The following SYNJ2 variants were observed in gnomAD, a reference collection of about 807,000 sequenced individuals.
SYNJ2 encodes polyphosphatidylinositol phosphatase SYNJ2.
SYNJ2 carries 116 observed loss-of-function variants against 141.3 expected under a neutral mutation model. That is an observed-to-expected ratio of 0.82 (90% CI 0.71 to 0.96). The LOEUF (loss-of-function observed/expected upper bound fraction) is 0.96, where lower values mean the gene tolerates loss of function less well. Ranked by LOEUF, SYNJ2 falls within the 40% of genes least tolerant of loss-of-function variation. SYNJ2 has a pLI of 0.00. For synonymous variants in SYNJ2, 745 were observed against 777.7 expected (o/e 0.96, Z 0.70); for missense variants, 1,873 against 1,934.8 (o/e 0.97, Z 0.60).
intron 25 of SYNJ2, among the ~76,000 whole-genome samples, chr6:158,090,816 A>T (rs1232692838): frequency 6.7e-6 from 1 of 150,256 alleles, no homozygotes; most frequent in East Asian, 2.0e-4. Flanking sequence ...AAGTGCTGGG[A>T]TTACAGGTGT....
At chr6:158,053,720 G>T (rs1196337001) in intron 5 of SYNJ2, among the ~76,000 whole-genome samples, 4 of 141,156 alleles carry the variant, frequency 2.8e-5, no homozygotes, top group African/African-American at 8.0e-5. Context: ...CACCCATCCA[G>T]CCATCCAGCC....
rs1312873654 is a variant in SYNJ2 at position 158,074,747 on chromosome 6, T to C, written c.2292+9T>C. On this transcript the variant is annotated intron_variant, in intron 16 of 26. Coordinates refer to ENST00000355585, the MANE Select transcript of SYNJ2 (RefSeq NM_003898.4). ...AGAAATCAAGTGGAAAAGTAAGTTG[T>C]GCTTTAAAAACATTTTTTAGCAGCT... The C allele has an allele frequency of 6.2e-7, 1 of 1,611,054 alleles. No individual in the cohort carries two copies. The highest frequency in any genetic ancestry group is 1.3e-5 in the African/African-American group (1 of 74,734).
chr6:157,981,896 T>A lies in SYNJ2; in HGVS notation c.-66T>A. On this transcript the variant is annotated 5_prime_UTR_variant, in exon 1 of 27. Coordinates refer to ENST00000355585, the MANE Select transcript of SYNJ2 (RefSeq NM_003898.4). The surrounding 1 kb of genome is among the most constrained non-coding windows in gnomAD (Gnocchi z 6.4). ...GGCAAGTTGCGGGCGCGCGGGGAGC[T>A]GTCGCGGGCAGCGCGCCCTCGGGAG... 8.3e-7 allele frequency: 1 copy of A among 1,203,124 alleles called. No individual in the cohort carries two copies. Among genetic ancestry groups the A allele is most frequent in the Non-Finnish European group, 1.0e-6 (1 of 964,468 alleles). 74.5% of individuals were successfully genotyped at this position (1,203,124 alleles called of 1,614,324 possible).
chr6:158,006,231 G>A (rs1302871277), intron 1 of SYNJ2, among the ~76,000 whole-genome samples: 2 of 152,074 alleles, frequency 1.3e-5, no homozygotes, highest in Non-Finnish European at 2.9e-5. Flanking sequence ...ACACACGTAT[G>A]CACACACGCA....
At chr6:158,095,275 G>C (rs1474424643) in intron 26 of SYNJ2, among the ~76,000 whole-genome samples, 1 of 152,156 alleles carries the variant, frequency 6.6e-6, no homozygotes, top group African/African-American at 2.4e-5. Flanking sequence ...CAACTTCAAA[G>C]AGTGTTTTCA....
rs1781064983 is a variant in SYNJ2, at chr6:158,059,355, T to A, written c.954+2T>A. On this transcript the variant is annotated splice_donor_variant, in intron 7 of 26. Coordinates refer to ENST00000355585, the MANE Select transcript of SYNJ2 (RefSeq NM_003898.4). LOFTEE classifies it high-confidence loss of function. Reference sequence around the variant, plus strand: ...GAGGTGCTCAACAGAGCCTTCAAGGTAAGGCCAGGCTGTCCTCTCCACAGC... The same window carrying A: ...GAGGTGCTCAACAGAGCCTTCAAGGAAAGGCCAGGCTGTCCTCTCCACAGC... 1 of 1,549,674 alleles carries A rather than the reference T, an allele frequency of 6.5e-7. No individual in the cohort carries two copies. The highest frequency in any genetic ancestry group is 2.0e-5 in the Admixed American group (1 of 50,960).
intron 26 of SYNJ2, among the ~76,000 whole-genome samples, chr6:158,095,137 A>G (rs931261875): frequency 3.3e-5 from 5 of 151,148 alleles, no homozygotes; most frequent in African/African-American, 1.2e-4. Context: ...GGACAGGGCG[A>G]GACTCCTTCT....
intron 2 of SYNJ2, among the ~76,000 whole-genome samples, chr6:158,023,721 C>T (rs1032858752): frequency 2.0e-5 from 3 of 152,126 alleles, no homozygotes; most frequent in Non-Finnish European, 4.4e-5. Context: ...CCTAGGATTC[C>T]AGACAAAGGG....
chr6:157,984,765 G>T (rs1287650517), intron 1 of SYNJ2, among the ~76,000 whole-genome samples: 1 of 152,240 alleles, frequency 6.6e-6, no homozygotes, highest in Non-Finnish European at 1.5e-5. Flanking sequence ...CAGGACACTT[G>T]TGGCAGCTGG....
chr6:158,043,233 A>T lies in SYNJ2; in HGVS notation c.712-83A>T. 8.2e-7 allele frequency: 1 copy of T among 1,213,758 alleles called. No homozygotes were observed. The allele number at this position is 1,213,758 out of a possible 1,614,324, so 75.2% of individuals were successfully genotyped here. ...TTCATTCTGGCTGGTGTCGGGTCAC[A>T]GGTGGCCGGATCCCGTTACCCAGCC... On this transcript the variant is annotated intron_variant, in intron 4 of 26. Transcript: ENST00000355585. This position sits in a 1 kb window ranked among gnomAD's most constrained non-coding sequence, Gnocchi z 4.0.
intron 17 of SYNJ2, among the ~76,000 whole-genome samples, chr6:158,077,513 A>G (rs1782380684): frequency 6.6e-6 from 1 of 152,068 alleles, no homozygotes; most frequent in Admixed American, 6.5e-5. Flanking sequence ...CCTAATTCCA[A>G]ATTGGACACG....
At chr6:158,011,464 TG>T (rs1349213114) in intron 1 of SYNJ2, among the ~76,000 whole-genome samples, 1 of 152,186 alleles carries the variant, frequency 6.6e-6, no homozygotes, top group Non-Finnish European at 1.5e-5. Context: ...GCTCCTGCAT[TG>T]TATAAGTCAG....
At position 158,088,336 on chromosome 6, in the gene SYNJ2, G is replaced by A. The variant is rs572117928; in HGVS notation, c.3344-324G>A. Among the ~76,000 whole-genome samples, 64 of 152,024 alleles carry A rather than the reference G, an allele frequency of 4.2e-4. 1 individual carries two copies. The highest frequency in any genetic ancestry group is 8.1e-4 in the Non-Finnish European group (55 of 68,020). The stretch of plus-strand genomic sequence containing the variant: ...AAAATATTTTAAAAATCTGGTCCTA[G>A]CAATAGTATTTGGAACCATTTCAAA... On this transcript the variant is annotated intron_variant, in intron 23 of 26. Transcript: ENST00000355585.
chr6:158,024,078 A>G (rs971135993), intron 2 of SYNJ2, among the ~76,000 whole-genome samples: 4 of 152,212 alleles, frequency 2.6e-5, no homozygotes, highest in African/African-American at 9.6e-5. Context: ...ATAAATATTT[A>G]TTCATCTCAT....
chr6:158,017,080 A>G, intron 1 of SYNJ2, 124 bp from the exon 2 acceptor site: 1 of 1,419,020 alleles, frequency 7.0e-7, no homozygotes, highest in Non-Finnish European at 9.2e-7. Context: ...TTGTGGGCCG[A>G]GCTATTGTCT....
chr6:157,991,797 C>T (rs1777435879), intron 1 of SYNJ2, among the ~76,000 whole-genome samples: 1 of 152,104 alleles, frequency 6.6e-6, no homozygotes, highest in Non-Finnish European at 1.5e-5. Context: ...TTATGGGATG[C>T]TTATGAATTA....
At position 158,095,671 on chromosome 6, in the gene SYNJ2, G is replaced by T. The variant is rs775967614; in HGVS notation, c.3798G>T (p.Gly1266=). The change falls in exon 27 of 27, where the codon GGG becomes GGT. Residue 1266 remains glycine (G), a synonymous_variant. Transcript: ENST00000355585. ...AACAGACTGTCCATTTTACAATCGG[G>T]CCCCCGGAGACAAGCGTTGAGGCCC... The part of the protein sequence containing the change: ...FEQQTVHFTI[G]PPETSVEAPP... The T allele has an allele frequency of 6.2e-7, 1 of 1,613,038 alleles. No individual in the cohort carries two copies. Among genetic ancestry groups the T allele is most frequent in the Non-Finnish European group, 8.5e-7 (1 of 1,179,656 alleles).
rs1321139662 is a variant in SYNJ2, at chr6:158,088,674, A to G, written c.3358A>G (p.Lys1120Glu). Residue 1120 changes from lysine to glutamate, a missense_variant, in exon 24 of 27, where the codon AAA becomes GAA. Transcript: ENST00000355585. ...GGTTTTTACAGCCGGTTTAATGGTG[A>G]AAAAGTCGGCTTCAGATGCGTCCAT... Reference protein sequence around the residue: ...RPPPPTGLMVKKSASDASISS... With the variant: ...RPPPPTGLMVEKSASDASISS... 6.2e-7 allele frequency: 1 copy of G among 1,613,722 alleles called. No homozygotes were observed. The highest frequency in any genetic ancestry group is 8.5e-7 in the Non-Finnish European group (1 of 1,179,794).
chr6:158,025,174 T>C (rs1308578354), intron 2 of SYNJ2, among the ~76,000 whole-genome samples: 1 of 152,154 alleles, frequency 6.6e-6, no homozygotes, highest in Non-Finnish European at 1.5e-5. Context: ...GATGCTGCCT[T>C]TTCTCTGCAT....
Sources: gnomAD v4.1 joint callset for allele counts (sites outside exome capture counted in the v4.1 genomes callset) on GRCh38, gnomAD v4.1.1 for gene constraint, Gnocchi (gnomAD v3.1) non-coding constraint, MANE v1.5 for transcripts, NCBI Gene and HGNC (gene_info 2026-07-23, HGNC 2026-07-21) for gene names.